Variants in AKR1E2 observed in about 807,000 individuals in gnomAD.
AKR1E2 encodes 1,5-anhydro-D-fructose reductase.
AKR1E2 carries 43 observed loss-of-function variants against 41.9 expected under a neutral mutation model. That is an observed-to-expected ratio of 1.03 (90% CI 0.80 to 1.32). The LOEUF is 1.32. Ranked by LOEUF, AKR1E2 falls within the 40% of genes most tolerant of loss-of-function variation. The pLI is 0.00. For synonymous variants in AKR1E2, 121 were observed against 138.9 expected (o/e 0.87, Z 0.91); for missense variants, 423 against 396.5 (o/e 1.07, Z -0.57).
At chr10:4,831,360 G>A (rs1303204342) in intron 2 of AKR1E2, among the ~76,000 whole-genome samples, 1 of 152,184 alleles carries the variant, frequency 6.6e-6, no homozygotes, top group Non-Finnish European at 1.5e-5. Context: ...GAACATACCT[G>A]AGACTGGGTA....
At chr10:4,844,712 C>T (rs886152766) in intron 8 of AKR1E2, among the ~76,000 whole-genome samples, 3 of 152,146 alleles carry the variant, frequency 2.0e-5, no homozygotes, top group African/African-American at 4.8e-5. Context: ...ATTCACAAAC[C>T]GTGAGCTAGA....
At chr10:4,854,095 T>TTTG in the AKR1E2 span, among the ~76,000 whole-genome samples, 41 of 140,368 alleles carry the variant, frequency 2.9e-4, 1 homozygote, top group South Asian at 7.6e-3. Flanking sequence ...GTTTTTTTTT[T>TTTG]TTTTTTTTTT....
chr10:4,830,590 G>A (rs1832890922), intron 1 of AKR1E2, 85 bp from the exon 2 acceptor site: 1 of 1,502,122 alleles, frequency 6.7e-7, no homozygotes, highest in Non-Finnish European at 9.2e-7. Context: ...TATGTATTAT[G>A]TTGTCCACAT....
chr10:4,849,186 G>T (rs114976686), downstream of AKR1E2, among the ~76,000 whole-genome samples: 4 of 152,304 alleles, frequency 2.6e-5, no homozygotes, highest in African/African-American at 9.6e-5. Flanking sequence ...TTTCCAGGGA[G>T]AGTTTAATCA....
At chr10:4,867,339 A>G in the AKR1E2 span, among the ~76,000 whole-genome samples, 15 of 152,186 alleles carry the variant, frequency 9.9e-5, no homozygotes, top group African/African-American at 2.9e-4. Context: ...CTGTTGTACA[A>G]TTTTTCACAC....
intron 3 of AKR1E2, among the ~76,000 whole-genome samples, chr10:4,834,769 T>C (rs146154216): frequency 5.2e-4 from 79 of 152,316 alleles, no homozygotes; most frequent in African/African-American, 1.9e-3. Flanking sequence ...TTCTGGGTCG[T>C]AGAAAAGGAA....
the AKR1E2 span, among the ~76,000 whole-genome samples, chr10:4,854,490 C>G: frequency 5.9e-5 from 9 of 152,136 alleles, no homozygotes; most frequent in Non-Finnish European, 1.2e-4. Flanking sequence ...TTGGGGTCTT[C>G]TTCCAGACCC....
At chr10:4,861,843 T>C in the AKR1E2 span, among the ~76,000 whole-genome samples, 1 of 152,182 alleles carries the variant, frequency 6.6e-6, no homozygotes, top group African/African-American at 2.4e-5. Context: ...CTTTGTCAGA[T>C]GAGTAGATTG....
At chr10:4,850,327 A>G (rs1440669303), downstream of AKR1E2, among the ~76,000 whole-genome samples, 1 of 152,180 alleles carries the variant, frequency 6.6e-6, no homozygotes, top group East Asian at 1.9e-4. Context: ...GCTTCTCCTC[A>G]TTGGCACTTT....
chr10:4,852,236 G>A (rs985194437), downstream of AKR1E2, among the ~76,000 whole-genome samples: 4 of 152,036 alleles, frequency 2.6e-5, no homozygotes, highest in Admixed American at 1.3e-4. Context: ...AAACAGAGGC[G>A]GTATATTTAA....
intron 8 of AKR1E2, 95 bp from the exon 9 acceptor site, chr10:4,847,053 C>T: frequency 7.6e-7 from 1 of 1,315,684 alleles, no homozygotes; most frequent in Non-Finnish European, 1.1e-6. Flanking sequence ...TCTTTGTGTC[C>T]CTTGCAGGTC....
the AKR1E2 span, among the ~76,000 whole-genome samples, chr10:4,856,673 G>A: frequency 6.6e-6 from 1 of 152,128 alleles, no homozygotes; most frequent in Non-Finnish European, 1.5e-5. Context: ...CCAAAATTAT[G>A]GGAAACTGCT....
the AKR1E2 span, among the ~76,000 whole-genome samples, chr10:4,859,073 C>G: frequency 6.6e-6 from 1 of 152,124 alleles, no homozygotes; most frequent in Non-Finnish European, 1.5e-5. Context: ...ACATCCGCCT[C>G]AGCCTCCCAA....
chr10:4,849,713 G>C (rs1467467557), downstream of AKR1E2, among the ~76,000 whole-genome samples: 1 of 152,324 alleles, frequency 6.6e-6, no homozygotes, highest in Admixed American at 6.5e-5. Context: ...GCGTGAGTTG[G>C]TTAACAGTAA....
In AKR1E2 at chr10:4,839,687, A is replaced by G. The variant is rs373568744; in HGVS notation, c.583-42A>G. 7 of 1,566,916 alleles carry G rather than the reference A, an allele frequency of 4.5e-6. No individual in the cohort carries two copies. In the African/African-American group the frequency reaches 5.4e-5, roughly 12 times the overall value. ...TTCTCTTGTAGAGCTTTTCTTGAAC[A>G]CTAGTGGTCTGAATTTTATGTAAGC... On this transcript the variant is annotated intron_variant, in intron 5 of 9. Transcript: ENST00000298375.
At chr10:4,828,900 C>T (rs1832752892) in intron 1 of AKR1E2, among the ~76,000 whole-genome samples, 1 of 152,206 alleles carries the variant, frequency 6.6e-6, no homozygotes, top group Non-Finnish European at 1.5e-5. Flanking sequence ...ATTCATTACA[C>T]TTCCAGCCAC....
chr10:4,838,591 A>T (rs1833621412), intron 5 of AKR1E2, among the ~76,000 whole-genome samples: 1 of 152,200 alleles, frequency 6.6e-6, no homozygotes, highest in Non-Finnish European at 1.5e-5. Context: ...ACATAGCTTG[A>T]TGAATTTTTG....
At chr10:4,859,633 G>A in the AKR1E2 span, among the ~76,000 whole-genome samples, 1 of 152,146 alleles carries the variant, frequency 6.6e-6, no homozygotes, top group African/African-American at 2.4e-5. Flanking sequence ...GCCAATTCTG[G>A]GTTTTCTGAG....
At chr10:4,848,454 C>T (rs1414488072), downstream of AKR1E2, among the ~76,000 whole-genome samples, 1 of 152,230 alleles carries the variant, frequency 6.6e-6, no homozygotes, top group South Asian at 2.1e-4. Context: ...TTGCTGTCTG[C>T]TCAGTGAATC....
Sources: gnomAD v4.1 joint callset for allele counts (sites outside exome capture counted in the v4.1 genomes callset) on GRCh38, gnomAD v4.1.1 for gene constraint, MANE v1.5 for transcripts, NCBI Gene and HGNC (gene_info 2026-07-23, HGNC 2026-07-21) for gene names.